KDM4C: variants seen among roughly 807,000 people sequenced by gnomAD.
The protein encoded by KDM4C is lysine demethylase 4C.
Under a neutral mutation model 129.3 loss-of-function variants are expected in KDM4C, and 81 were observed. That is an observed-to-expected ratio of 0.63 (90% CI 0.52 to 0.75). The LOEUF (loss-of-function observed/expected upper bound fraction) is 0.75. Among genes scored for constraint, KDM4C ranks in the 30% least tolerant of loss-of-function variants. The pLI, the probability that KDM4C is intolerant of heterozygous loss-of-function variation, is 0.00. For missense variants in KDM4C, 1,457 were observed against 1,304.0 expected (o/e 1.12, Z -1.81); for synonymous variants, 573 against 456.1 (o/e 1.26, Z -3.26).
At chr9:6,982,854 T>TA (rs1817005158) in intron 9 of KDM4C, 1 of 152,218 alleles carries the variant, frequency 6.6e-6, no homozygotes, top group South Asian at 2.1e-4. Flanking sequence ...TAGGTTCAAA[T>TA]AATCAATGGA....
At chr9:6,828,700 G>A (rs1295855218) in intron 4 of KDM4C, among the ~76,000 whole-genome samples, 4 of 151,968 alleles carry the variant, frequency 2.6e-5, no homozygotes, top group East Asian at 1.9e-4. Flanking sequence ...GAGAAACCTC[G>A]TCTCTACTAA....
At chr9:7,116,132 C>T (rs1435687984) in intron 18 of KDM4C, among the ~76,000 whole-genome samples, 7 of 152,132 alleles carry the variant, frequency 4.6e-5, no homozygotes, top group Admixed American at 1.3e-4. Context: ...GGCACTCGGA[C>T]GCTTTTGCTT....
chr9:7,024,270 T>C (rs1825396457), intron 15 of KDM4C, among the ~76,000 whole-genome samples: 1 of 150,542 alleles, frequency 6.6e-6, no homozygotes, highest in South Asian at 2.2e-4. Context: ...CTATCTCTCT[T>C]TTTATCTCTA....
chr9:7,166,182 G>C (rs185318811), intron 20 of KDM4C, among the ~76,000 whole-genome samples: 52 of 152,294 alleles, frequency 3.4e-4, no homozygotes, highest in African/African-American at 1.2e-3. Flanking sequence ...AGTAAAAGGA[G>C]AAAAAGCAAG....
chr9:6,812,457 T>TTCTATGGATGGGAG (rs1363219281), intron 3 of KDM4C, among the ~76,000 whole-genome samples: 8 of 152,172 alleles, frequency 5.3e-5, no homozygotes, highest in African/African-American at 1.9e-4. Context: ...AAGATAATTT[T>TTCTATGGATGGGAG]TCTATGGATG....
intron 8 of KDM4C, among the ~76,000 whole-genome samples, chr9:6,943,525 G>A (rs138118010): frequency 6.6e-6 from 1 of 151,890 alleles, no homozygotes; most frequent in Non-Finnish European, 1.5e-5. Flanking sequence ...CCTGGGTAAC[G>A]TTAGCTGAGC....
intron 1 of KDM4C, among the ~76,000 whole-genome samples, chr9:6,773,090 C>T (rs546876497): frequency 1.3e-5 from 2 of 152,110 alleles, no homozygotes; most frequent in Non-Finnish European, 2.9e-5. Context: ...GCCTCGACCT[C>T]CCAGACTCAA....
chr9:6,889,211 T>G (rs961878850), intron 7 of KDM4C, among the ~76,000 whole-genome samples: 42 of 61,612 alleles, frequency 6.8e-4, no homozygotes, highest in East Asian at 4.7e-3. Flanking sequence ...GGCCTTCTTT[T>G]TGTGTGTGTG....
Position 7,165,266 on chromosome 9 carries a change from C to T in KDM4C, c.2810C>T (p.Pro937Leu), listed in dbSNP as rs1564199113. The change falls in exon 20 of 22, where the codon CCT becomes CTT. Residue 937 changes from proline (P) to leucine (L), a missense_variant. Physicochemically the swap from Pro to Leu is moderately conservative, Grantham distance 98. Transcript: ENST00000381309. The part of the protein sequence containing the change: ...VSRDCLKLGP[P>L]AEGEVVQVKW... ...CGAGACTGTCTGAAGCTGGGCCCACCTGCTGAGGGAGAAGTCGTCCAAGTC... is the reference window on the plus strand; with the variant it reads ...CGAGACTGTCTGAAGCTGGGCCCACTTGCTGAGGGAGAAGTCGTCCAAGTC... The T allele has an allele frequency of 6.2e-7, 1 of 1,614,174 alleles. No individual in the cohort carries two copies. The highest frequency in any genetic ancestry group is 8.5e-7 in the Non-Finnish European group (1 of 1,180,022).
intron 10 of KDM4C, among the ~76,000 whole-genome samples, chr9:6,985,058 T>C (rs7027018): frequency 0.56 from 84,534 of 151,952 alleles, 24,011 homozygotes; most frequent in South Asian, 0.73. Context: ...CCTCATGGGA[T>C]TCCCCCCTCC....
chr9:6,874,402 T>C (rs1046006284), intron 5 of KDM4C, among the ~76,000 whole-genome samples: 7 of 152,236 alleles, frequency 4.6e-5, no homozygotes, highest in Non-Finnish European at 8.8e-5. Context: ...TTTTACCTCC[T>C]ATCATTTGCT....
intron 18 of KDM4C, among the ~76,000 whole-genome samples, chr9:7,121,616 G>A (rs1410807222): frequency 6.6e-6 from 1 of 152,100 alleles, no homozygotes; most frequent in Admixed American, 6.6e-5. Context: ...CAGTGTACAC[G>A]TGTGTTTACA....
At chr9:6,895,431 GTCC>G (rs1816248307) in intron 8 of KDM4C, among the ~76,000 whole-genome samples, 1 of 152,184 alleles carries the variant, frequency 6.6e-6, no homozygotes, top group African/African-American at 2.4e-5. Flanking sequence ...CCTCTCTCTA[GTCC>G]TCCTGTGTAG....
chr9:6,931,693 G>T lies in KDM4C; in HGVS notation c.921+38461G>T, dbSNP rs561876935. Among the ~76,000 whole-genome samples, 511 of 152,050 alleles carry T rather than the reference G, an allele frequency of 3.4e-3. 3 individuals are homozygous for T. The highest frequency in any genetic ancestry group is 0.012 in the African/African-American group (481 of 41,478). On this transcript the variant is annotated intron_variant, in intron 8 of 21. Transcript: ENST00000381309. ...TTTTTGTAGTTTTTGTAGAGTTGGG[G>T]TTTCACCATGTTGCCTAGGCTGGTC...
rs375598375 is a variant in KDM4C at position 6,757,994 on chromosome 9, T to C, written c.-227T>C. On this transcript the variant is annotated 5_prime_UTR_variant, in exon 1 of 22. Transcript: ENST00000381309. ...AGGGAGAGCCGGCGGTGCGCGCGCC[T>C]TCGCCGCTGCCTCCCACCCACCCCC... 3.1e-5 allele frequency: 31 copies of C among 985,188 alleles called. 1 individual carries two copies. The East Asian group carries it at 6.8e-4, about 22-fold the overall frequency. 61.0% of individuals were successfully genotyped at this position (985,188 alleles called of 1,614,324 possible). A position where few individuals can be genotyped will look rare whatever the true frequency, so the allele number is the denominator to read the frequency against.
intron 17 of KDM4C, among the ~76,000 whole-genome samples, chr9:7,073,598 A>T (rs925819295): frequency 6.6e-6 from 1 of 151,882 alleles, no homozygotes; most frequent in African/African-American, 2.4e-5. Context: ...GTTCAGTTAT[A>T]CTCCCTGTTT....
At chr9:7,140,993 G>T (rs1841686026) in intron 19 of KDM4C, among the ~76,000 whole-genome samples, 1 of 152,234 alleles carries the variant, frequency 6.6e-6, no homozygotes, top group Non-Finnish European at 1.5e-5. Flanking sequence ...GCTGGAGGAG[G>T]TAAATCATGA....
rs144292564 is a variant in KDM4C at position 6,888,788 on chromosome 9, T to G, written c.783+725T>G. ...AGCTCTTCCTTCTTCTGTGTTTTTT[T>G]TTTTTTTTTTTTTTTTTGAGACGGA... On this transcript the variant is annotated intron_variant, in intron 7 of 21. Coordinates refer to ENST00000381309, the MANE Select transcript of KDM4C (RefSeq NM_015061.6). Among the ~76,000 whole-genome samples the G allele has an allele frequency of 2.7e-4, 8 of 29,568 alleles. 2 individuals carry two copies. The highest frequency in any genetic ancestry group is 2.0e-3 in the Admixed American group (8 of 4,090). 19.4% of individuals were successfully genotyped at this position (29,568 alleles called of 152,430 possible).
At chr9:7,004,548 A>G (rs1821308705) in intron 12 of KDM4C, among the ~76,000 whole-genome samples, 1 of 152,182 alleles carries the variant, frequency 6.6e-6, no homozygotes, top group Non-Finnish European at 1.5e-5. Flanking sequence ...AATCCTCAAA[A>G]GCATTTCTTC....
Sources: allele counts gnomAD v4.1 joint callset (sites outside exome capture counted in the v4.1 genomes callset), GRCh38; gene constraint gnomAD v4.1.1; transcripts MANE v1.5; gene names NCBI Gene and HGNC (gene_info 2026-07-23, HGNC 2026-07-21).